The following TEX9 variants were observed in gnomAD, a reference collection of about 807,000 sequenced individuals.
The protein encoded by TEX9 is testis expressed 9.
Under a neutral mutation model 59.6 loss-of-function variants are expected in TEX9, and 74 were observed. That is an observed-to-expected ratio of 1.24 (90% confidence interval 1.03 to 1.51). The LOEUF (loss-of-function observed/expected upper bound fraction) is 1.51. Ranked by LOEUF, TEX9 falls within the 40% of genes most tolerant of loss-of-function variation. The probability of loss-of-function intolerance (pLI) is 0.00; values close to 1 mark genes in which losing one functional copy is unlikely to be tolerated. For synonymous variants in TEX9, 186 were observed against 152.2 expected (o/e 1.22, Z -1.64); for missense variants, 522 against 447.8 (o/e 1.17, Z -1.49).
At chr15:56,335,254 G>A (rs755224860) in intron 1 of TEX9, among the ~76,000 whole-genome samples, 20 of 152,200 alleles carry the variant, frequency 1.3e-4, no homozygotes, top group Middle Eastern at 3.4e-3. Context: ...CAACCTAAGC[G>A]TCCATCAGCA....
intron 12 of TEX9, among the ~76,000 whole-genome samples, chr15:56,433,097 C>G (rs771800980): frequency 3.3e-5 from 5 of 152,236 alleles, no homozygotes; most frequent in African/African-American, 4.8e-5. Context: ...CCTGGGCCAC[C>G]AAATCATTTT....
the TEX9 span, among the ~76,000 whole-genome samples, chr15:56,457,733 G>A: frequency 0.02 from 2,962 of 151,664 alleles, 103 homozygotes; most frequent in African/African-American, 0.069. Flanking sequence ...GAGGACCGCC[G>A]GAGACCAGGA....
At chr15:56,299,271 C>T (rs1370126804) in intron 1 of TEX9, among the ~76,000 whole-genome samples, 2 of 152,202 alleles carry the variant, frequency 1.3e-5, no homozygotes, top group Non-Finnish European at 2.9e-5. Flanking sequence ...GAACTCAGTA[C>T]TGCCCTGTCA....
chr15:56,350,011 G>C (rs142546629), intron 1 of TEX9, among the ~76,000 whole-genome samples: 1 of 152,154 alleles, frequency 6.6e-6, no homozygotes, highest in East Asian at 1.9e-4. Flanking sequence ...TAGGTTGAAA[G>C]TGAGCTGTCC....
intron 2 of TEX9, among the ~76,000 whole-genome samples, chr15:56,366,996 A>G (rs2046976330): frequency 6.6e-6 from 1 of 152,146 alleles, no homozygotes; most frequent in South Asian, 2.1e-4. Flanking sequence ...CAAAACGGTT[A>G]TTTTCATTAT....
intron 1 of TEX9, among the ~76,000 whole-genome samples, chr15:56,302,320 T>TACAC (rs56766153): frequency 0.082 from 11,151 of 135,624 alleles, 592 homozygotes; most frequent in East Asian, 0.2. Flanking sequence ...AGACACTGTT[T>TACAC]ACACACACAC....
At chr15:56,428,977 GTGA>G (rs1348498156) in intron 12 of TEX9, 3 of 566,364 alleles carry the variant, frequency 5.3e-6, no homozygotes, top group Non-Finnish European at 6.1e-6. Flanking sequence ...ATGAAATTCA[GTGA>G]TGATTTACAA....
chr15:56,344,212 C>A (rs1306567260), intron 1 of TEX9, among the ~76,000 whole-genome samples: 1 of 152,106 alleles, frequency 6.6e-6, no homozygotes, highest in Non-Finnish European at 1.5e-5. Context: ...CTAAAGCTTG[C>A]ACATGAATGT....
intron 3 of TEX9, among the ~76,000 whole-genome samples, chr15:56,376,684 A>G (rs1490388717): frequency 1.1e-4 from 16 of 151,800 alleles, no homozygotes; most frequent in African/African-American, 3.9e-4. Context: ...GTTTGAAAAT[A>G]TTTTCTCCCA....
chr15:56,315,918 T>C, intron 1 of TEX9, among the ~76,000 whole-genome samples: 1 of 151,700 alleles, frequency 6.6e-6, no homozygotes, highest in South Asian at 2.1e-4. Flanking sequence ...CCATCGCTGA[T>C]ACCCTTTCTT....
intron 12 of TEX9, among the ~76,000 whole-genome samples, chr15:56,441,669 G>T (rs1284009062): frequency 2.6e-5 from 4 of 152,034 alleles, no homozygotes; most frequent in Non-Finnish European, 5.9e-5. Context: ...ATCTGACAAA[G>T]GTCTAATATC....
intron 3 of TEX9, among the ~76,000 whole-genome samples, chr15:56,377,155 T>C (rs1427508181): frequency 3.3e-5 from 5 of 152,208 alleles, no homozygotes; most frequent in Non-Finnish European, 5.9e-5. Context: ...TTGGTTACTA[T>C]AGCACCATAG....
intron 9 of TEX9, 49 bp from the exon 10 acceptor site, chr15:56,412,253 G>A (rs1596210415): frequency 6.5e-7 from 1 of 1,531,428 alleles, no homozygotes; most frequent in South Asian, 1.2e-5. Flanking sequence ...GATAAAGGGG[G>A]AAACTATGAT....
chr15:56,298,152 C>T (rs1461540182), intron 1 of TEX9, among the ~76,000 whole-genome samples: 2 of 152,170 alleles, frequency 1.3e-5, no homozygotes, highest in Non-Finnish European at 2.9e-5. Context: ...TATACTACAT[C>T]TCCTTTACAA....
intron 1 of TEX9, among the ~76,000 whole-genome samples, chr15:56,310,619 T>A (rs191646122): frequency 6.6e-5 from 10 of 152,306 alleles, no homozygotes; most frequent in Admixed American, 2.0e-4. Context: ...GCACCAGCTC[T>A]GCCAAGTAGG....
chr15:56,392,923 G>T (rs967514087), intron 7 of TEX9, among the ~76,000 whole-genome samples: 1 of 152,128 alleles, frequency 6.6e-6, no homozygotes, highest in Non-Finnish European at 1.5e-5. Context: ...TCTTTTGGGA[G>T]AATTTTCTCT....
Position 56,427,734 on chromosome 15 carries a change from CA to C in TEX9, c.1097del (p.Lys366ArgfsTer18). The C allele has an allele frequency of 6.8e-7, 1 of 1,476,240 alleles. No individual in the cohort carries two copies. The highest frequency in any genetic ancestry group is 1.4e-5 in the South Asian group (1 of 70,218). 91.4% of individuals were successfully genotyped at this position (1,476,240 alleles called of 1,614,324 possible). A position where few individuals can be genotyped will look rare whatever the true frequency, so the allele number is the denominator to read the frequency against. On this transcript the variant is annotated frameshift_variant, in exon 11 of 13. Coordinates refer to ENST00000352903, the Ensembl canonical transcript of TEX9. LOFTEE classifies it high-confidence loss of function. ...AAAATTAATTGATGTTTTAAAAAGGCAAAAGGTGAGTCTATCATTAAAGTTA... is the reference window on the plus strand; with the variant it reads ...AAAATTAATTGATGTTTTAAAAAGGCAAAGGTGAGTCTATCATTAAAGTTA...
At chr15:56,398,938 C>T (rs1276893165) in intron 9 of TEX9, among the ~76,000 whole-genome samples, 3 of 152,134 alleles carry the variant, frequency 2.0e-5, no homozygotes, top group African/African-American at 7.2e-5. Flanking sequence ...TCGAGACCAT[C>T]CTGGCTAACA....
chr15:56,394,845 G>C lies in TEX9; in HGVS notation c.828+11G>C, dbSNP rs1416326473. ...TCTTCAGTAGAAAGGGTAATTATTTGGTATTTTTCCTAACTTAATGCCACA... is the reference window on the plus strand; with the variant it reads ...TCTTCAGTAGAAAGGGTAATTATTTCGTATTTTTCCTAACTTAATGCCACA... On this transcript the variant is annotated intron_variant, in intron 9 of 12. Coordinates refer to ENST00000352903, the Ensembl canonical transcript of TEX9. The C allele has an allele frequency of 1.3e-6, 2 of 1,597,408 alleles. No individual in the cohort carries two copies. Among genetic ancestry groups the C allele is most frequent in the East Asian group, 4.5e-5 (2 of 44,586 alleles).
Sources: allele counts gnomAD v4.1 joint callset (sites outside exome capture counted in the v4.1 genomes callset), GRCh38; gene constraint gnomAD v4.1.1; transcripts MANE v1.5; gene names NCBI Gene and HGNC (gene_info 2026-07-23, HGNC 2026-07-21).